The following PRRC2C variants were observed in gnomAD, a reference collection of about 807,000 sequenced individuals.
PRRC2C encodes proline rich coiled-coil 2C, also known as protein PRRC2C.
In PRRC2C, 72 loss-of-function variants were observed where a neutral mutation model predicts 317.2. The observed-to-expected ratio is 0.23, with a 90% CI of 0.19 to 0.28. PRRC2C has a LOEUF of 0.28. PRRC2C is among the 10% of genes least tolerant of loss of function. PRRC2C has a pLI of 1.00. For missense variants in PRRC2C, 3,074 were observed against 3,459.7 expected, an observed-to-expected ratio of 0.89 and a Z score of 2.80; for synonymous variants, 1,296 against 1,205.9, an observed-to-expected ratio of 1.07 and a Z score of -1.55.
At chr1:171,515,115 G>T (rs548635177) in intron 4 of PRRC2C, among the ~76,000 whole-genome samples, 5 of 152,328 alleles carry the variant, frequency 3.3e-5, no homozygotes, top group Admixed American at 3.3e-4. Context: ...ATCCCCAGCA[G>T]AATTTAGTTT....
intron 23 of PRRC2C, 78 bp from the exon 24 acceptor site, chr1:171,571,242 C>T: frequency 1.3e-6 from 1 of 744,854 alleles, no homozygotes; most frequent in Non-Finnish European, 2.3e-6. Flanking sequence ...ACCCTTAGAA[C>T]ACCTTAGCAT....
In PRRC2C at chr1:171,502,501, C is replaced by G. The variant is rs180882627; in HGVS notation, c.-57-9531C>G. On this transcript the variant is annotated intron_variant, in intron 1 of 34. Transcript: ENST00000647382. ...ATCCAAAGTCCCCTTTACCTCTTTG[C>G]TGCCCCTTTTTACCCAGTTGAGTTT... Among the ~76,000 whole-genome samples, 13 of 152,268 alleles carry G rather than the reference C, an allele frequency of 8.5e-5. No individual in the cohort carries two copies. The East Asian group carries it at 2.5e-3, about 29-fold the overall frequency.
At chr1:171,533,111 C>T (rs958286325) in intron 12 of PRRC2C, 150 bp downstream of exon 12, 7 of 787,330 alleles carry the variant, frequency 8.9e-6, no homozygotes, top group South Asian at 3.1e-5. Context: ...TGGGCTAGAG[C>T]CGTGTTTTCT....
chr1:171,566,793 A>G lies in PRRC2C; in HGVS notation c.6508A>G (p.Ile2170Val), dbSNP rs754366853. 4 of 1,613,892 alleles carry G rather than the reference A, an allele frequency of 2.5e-6. No homozygotes were observed. The East Asian group carries it at 8.9e-5, about 36-fold the overall frequency. Residue 2170 changes from isoleucine to valine, a missense_variant, in exon 22 of 35, where the codon ATA becomes GTA. By Grantham distance (29) the Ile-to-Val change is conservative (BLOSUM62 3). Coordinates refer to ENST00000647382, the MANE Select transcript of PRRC2C (RefSeq NM_001387844.1). ...TKAVSEMSTEIGTMISVSSAE... is the reference protein window; with the variant it reads ...TKAVSEMSTEVGTMISVSSAE... ...AGCAGTCTCAGAAATGTCTACTGAA[A>G]TAGGAACAATGATCTCGGTATCATC...
intron 6 of PRRC2C, among the ~76,000 whole-genome samples, chr1:171,521,014 C>T (rs1157059709): frequency 1.3e-5 from 2 of 151,860 alleles, no homozygotes; most frequent in Non-Finnish European, 2.9e-5. Context: ...CCATGTTAGC[C>T]AGGATGGTCT....
rs971280977 is a variant in PRRC2C at position 171,545,431 on chromosome 1, T to C, written c.4764-48T>C. On this transcript the variant is annotated intron_variant, in intron 16 of 34. Coordinates refer to ENST00000647382, the MANE Select transcript of PRRC2C (RefSeq NM_001387844.1). ...AACTGCCAATAAGAGCATTTTTCTT[T>C]TGTTTGGGTAGGTGGAAATAGTAAT... is the stretch of plus-strand genomic sequence containing the variant. 7 of 1,484,454 alleles carry C rather than the reference T, an allele frequency of 4.7e-6. No homozygotes were observed. The Admixed American group carries it at 8.6e-5, about 18-fold the overall frequency. 92.0% of individuals were successfully genotyped at this position (1,484,454 alleles called of 1,614,324 possible).
At chr1:171,530,579 A>T (rs561982593) in intron 11 of PRRC2C, among the ~76,000 whole-genome samples, 76 of 151,938 alleles carry the variant, frequency 5.0e-4, no homozygotes, top group African/African-American at 1.7e-3. Flanking sequence ...TTAATATCTT[A>T]CAACTCAATA....
Position 171,500,290 on chromosome 1 carries a change from A to C in PRRC2C, c.-57-11742A>C, listed in dbSNP as rs144640521. ...TAAGGTTTTCAGTATTAAAACTAGAATCTTATAGTTTTGAGTACCAAAGGA... is the reference window on the plus strand; with the variant it reads ...TAAGGTTTTCAGTATTAAAACTAGACTCTTATAGTTTTGAGTACCAAAGGA... On this transcript the variant is annotated intron_variant, in intron 1 of 34. Transcript: ENST00000647382. 6.3e-3 allele frequency among the ~76,000 whole-genome samples: 967 copies of C among 152,344 alleles called. 10 individuals are homozygous for C. Among genetic ancestry groups the C allele is most frequent in the African/African-American group, 0.018 (752 of 41,576 alleles).
chr1:171,563,090 A>G (rs906188160), intron 20 of PRRC2C, among the ~76,000 whole-genome samples: 5 of 152,164 alleles, frequency 3.3e-5, no homozygotes, highest in Non-Finnish European at 7.3e-5. Context: ...GACTTTGATA[A>G]GAACATTATT....
In PRRC2C at chr1:171,540,652, T is replaced by A. The variant is rs1185517046; in HGVS notation, c.3186T>A (p.Pro1062=). Reference sequence around the variant, plus strand: ...AGACGGAAAAGAAGGATCTTCCTCCTCCCCCACCACCACCTCAGCCACCAG... The same window carrying A: ...AGACGGAAAAGAAGGATCTTCCTCCACCCCCACCACCACCTCAGCCACCAG... ...PEKTEKKDLP[P]PPPPPQPPAP... Residue 1062 remains proline, a synonymous_variant, in exon 16 of 35, where the codon CCT becomes CCA. Transcript: ENST00000647382. 4 of 1,613,760 alleles carry A rather than the reference T, an allele frequency of 2.5e-6. No individual in the cohort carries two copies. The highest frequency in any genetic ancestry group is 3.4e-6 in the Non-Finnish European group (4 of 1,179,834).
intron 24 of PRRC2C, 79 bp from the exon 25 acceptor site, chr1:171,574,848 A>G: frequency 7.5e-7 from 1 of 1,328,740 alleles, no homozygotes; most frequent in Middle Eastern, 1.9e-4. Flanking sequence ...TTGGCACTTA[A>G]ATACTGATAC....
At chr1:171,579,739 T>C (rs983851635) in intron 27 of PRRC2C, 89 bp from the exon 28 acceptor site, 2 of 1,400,200 alleles carry the variant, frequency 1.4e-6, no homozygotes, top group East Asian at 2.4e-5. Flanking sequence ...TTTACTCTTT[T>C]CATGTCTCAA....
At chr1:171,532,178 A>G (rs943340283) in intron 11 of PRRC2C, among the ~76,000 whole-genome samples, 165 bp from the exon 12 acceptor site, 1 of 152,224 alleles carries the variant, frequency 6.6e-6, no homozygotes, top group Non-Finnish European at 1.5e-5. Flanking sequence ...TTGGTGAATT[A>G]TCTAGATGTA....
In PRRC2C at chr1:171,491,560, T is replaced by C. The variant is rs1170871690; in HGVS notation, c.-58+5825T>C. ...CTGAAAGACTCCTTAAGGAGACATA[T>C]TAAGGATACATTTAGAACAACATCA... is the stretch of plus-strand genomic sequence containing the variant. On this transcript the variant is annotated intron_variant, in intron 1 of 34. Transcript: ENST00000647382. Among the ~76,000 whole-genome samples the C allele has an allele frequency of 4.6e-5, 7 of 152,292 alleles. No individual in the cohort carries two copies. In the East Asian group the frequency reaches 1.3e-3, roughly 29 times the overall value.
In PRRC2C at chr1:171,571,342, C is replaced by G. The variant is rs770185948; in HGVS notation, c.6674C>G (p.Pro2225Arg). 1.9e-6 allele frequency: 3 copies of G among 1,610,362 alleles called. No homozygotes were observed. Among genetic ancestry groups the G allele is most frequent in the Non-Finnish European group, 2.5e-6 (3 of 1,176,698 alleles). The change falls in exon 24 of 35, where the codon CCC (proline) becomes CGC (arginine). Residue 2225 changes from proline (P) to arginine (R), a missense_variant. Physicochemically the swap from Pro to Arg is moderately radical, Grantham distance 103. Transcript: ENST00000647382. ...CAGGTGCCCCTGCCCAACACCCTTC[C>G]CCTCCCTAAGAGGGAGACTATACAA... is the stretch of plus-strand genomic sequence containing the variant. ...VNNVPLPNTL[P>R]LPKRETIQQS...
At chr1:171,558,670 A>G (rs1305046030) in intron 19 of PRRC2C, among the ~76,000 whole-genome samples, 1 of 152,194 alleles carries the variant, frequency 6.6e-6, no homozygotes, top group Non-Finnish European at 1.5e-5. Context: ...GTGTGTTCTG[A>G]CCACTCCATT....
Position 171,557,779 on chromosome 1 carries a change from C to T in PRRC2C, c.5667C>T (p.Val1889=), listed in dbSNP as rs986847583. ...CAGCCTCTTCCCCAGCTGCCCCAGTCATCACAGCACCAACTATCCCAGCCT... is the reference window on the plus strand; with the variant it reads ...CAGCCTCTTCCCCAGCTGCCCCAGTTATCACAGCACCAACTATCCCAGCCT... ...APAASSPAAP[V]ITAPTIPASA... The change falls in exon 19 of 35, where the codon GTC becomes GTT. Residue 1889 remains valine, a synonymous_variant. Coordinates refer to ENST00000647382, the MANE Select transcript of PRRC2C (RefSeq NM_001387844.1). 1.9e-5 allele frequency: 30 copies of T among 1,550,822 alleles called. No homozygotes were observed. The highest frequency in any genetic ancestry group is 5.9e-5 in the Admixed American group (3 of 50,936).
intron 24 of PRRC2C, among the ~76,000 whole-genome samples, chr1:171,573,001 A>C (rs1685043502): frequency 1.3e-5 from 2 of 152,174 alleles, no homozygotes; most frequent in Admixed American, 1.3e-4. Flanking sequence ...ATTCTTACTT[A>C]TTATCAGTGG....
Position 171,540,618 on chromosome 1 carries a change from A to G in PRRC2C, c.3152A>G (p.Lys1051Arg), listed in dbSNP as rs548362811. 1.9e-6 allele frequency: 3 copies of G among 1,613,850 alleles called. No homozygotes were observed. Among genetic ancestry groups the G allele is most frequent in the Non-Finnish European group, 2.5e-6 (3 of 1,179,902 alleles). ...AAGGTCACTGAAAAAGTAGTTGTAA[A>G]GCCTGAAAAGACGGAAAAGAAGGAT... is the stretch of plus-strand genomic sequence containing the variant. ...AEKVTEKVVV[K>R]PEKTEKKDLP... Residue 1051 changes from lysine (K) to arginine (R), a missense_variant, in exon 16 of 35, where the codon AAG becomes AGG. Coordinates refer to ENST00000647382, the MANE Select transcript of PRRC2C (RefSeq NM_001387844.1).
Sources: gnomAD v4.1 joint callset for allele counts (sites outside exome capture counted in the v4.1 genomes callset) on GRCh38, gnomAD v4.1.1 for gene constraint, MANE v1.5 for transcripts, NCBI Gene and HGNC (gene_info 2026-07-23, HGNC 2026-07-21) for gene names.